PHYH: variants seen among roughly 807,000 people sequenced by gnomAD.
The protein encoded by PHYH is phytanoyl-CoA 2-hydroxylase.
A neutral mutation model predicts 38.5 loss-of-function variants in PHYH; 32 were observed. The observed-to-expected ratio is 0.83, with a 90% CI of 0.63 to 1.12. The LOEUF is 1.12. Ranked by LOEUF, PHYH falls within the 50% of genes most tolerant of loss-of-function variation. PHYH has a pLI of 0.00. For synonymous variants in PHYH, 166 were observed against 157.9 expected (o/e 1.05, Z -0.38); for missense variants, 426 against 434.8 (o/e 0.98, Z 0.18).
In PHYH at chr10:13,300,059, A is replaced by C; in HGVS notation, c.-17T>G. On this transcript the variant is annotated 5_prime_UTR_variant, in exon 1 of 9. Transcript: ENST00000263038. ...CTGCTCCATGGCTGCGGCGCGGGGA[A>C]CCCCCACCCCTCCCGGCCTCTGCCC... The C allele has an allele frequency of 6.5e-7, 1 of 1,528,442 alleles. No individual in the cohort carries two copies. The highest frequency in any genetic ancestry group is 8.7e-7 in the Non-Finnish European group (1 of 1,143,326). 94.7% of individuals were successfully genotyped at this position (1,528,442 alleles called of 1,614,324 possible).
At chr10:13,297,362 A>G (rs1159884108) in intron 2 of PHYH, among the ~76,000 whole-genome samples, 1 of 152,228 alleles carries the variant, frequency 6.6e-6, no homozygotes, top group Non-Finnish European at 1.5e-5. Flanking sequence ...AATATTTAGG[A>G]AGGTCAAGAT....
intron 5 of PHYH, among the ~76,000 whole-genome samples, chr10:13,290,006 C>T (rs1304030792): frequency 2.0e-5 from 3 of 147,662 alleles, no homozygotes; most frequent in Admixed American, 6.8e-5. Flanking sequence ...CGGTGGCTCA[C>T]GCCGGTAATC....
At chr10:13,298,026 A>G (rs938346466) in intron 2 of PHYH, among the ~76,000 whole-genome samples, 161 bp downstream of exon 2, 2 of 152,158 alleles carry the variant, frequency 1.3e-5, no homozygotes, top group Admixed American at 6.5e-5. Flanking sequence ...GTCGGTCTCC[A>G]AAATTTTCCA....
chr10:13,291,822 T>TA lies in PHYH; in HGVS notation c.496+8dup. 6.3e-7 allele frequency: 1 copy of TA among 1,592,304 alleles called. No individual in the cohort carries two copies. Among genetic ancestry groups the TA allele is most frequent in the South Asian group, 1.1e-5 (1 of 90,680 alleles). ...GAAACCATTTTTTTTTCTTCTCCCT[T>TA]ACAATTACCAGAATCTGGAGGTTTG... On this transcript the variant is annotated intron_variant, in intron 5 of 8. Transcript: ENST00000263038.
At chr10:13,283,605 C>G in intron 7 of PHYH, 85 bp downstream of exon 7, 1 of 1,364,238 alleles carries the variant, frequency 7.3e-7, no homozygotes, top group Non-Finnish European at 1.0e-6. Flanking sequence ...AAATTTTATT[C>G]AATTAATTTG....
At chr10:13,298,764 G>A (rs7392992) in intron 1 of PHYH, among the ~76,000 whole-genome samples, 65,611 of 103,844 alleles carry the variant, frequency 0.63, 18,250 homozygotes, top group East Asian at 0.76. Flanking sequence ...TACTACTACT[G>A]CTACTACTAC....
chr10:13,291,383 G>C (rs1464400189), intron 5 of PHYH: 1 of 186,080 alleles, frequency 5.4e-6, no homozygotes, highest in Non-Finnish European at 1.1e-5. Flanking sequence ...TTTCACTGTT[G>C]TTATAGTGTA....
At chr10:13,294,323 T>G in intron 4 of PHYH, 105 bp downstream of exon 4, 1 of 1,014,226 alleles carries the variant, frequency 9.9e-7, no homozygotes, top group South Asian at 1.3e-5. Flanking sequence ...CCCACAGTGC[T>G]CGGATTACAG....
At chr10:13,298,931 T>C (rs1307242102) in intron 1 of PHYH, among the ~76,000 whole-genome samples, 1 of 20,010 alleles carries the variant, frequency 5.0e-5, no homozygotes, top group Non-Finnish European at 1.4e-4. Context: ...AAAATAATAA[T>C]AATAATAATA....
rs914287294 is a variant in PHYH at position 13,299,949 on chromosome 10, C to T, written c.75+19G>A. ...CCGGCGCCGGATCCAGCCCGAGCCC[C>T]GCGCAGCCCAAAGGATACGACAGCC... On this transcript the variant is annotated intron_variant, in intron 1 of 8. Transcript: ENST00000263038. The T allele has an allele frequency of 2.0e-6, 3 of 1,515,456 alleles. No homozygotes were observed. Among genetic ancestry groups the T allele is most frequent in the Admixed American group, 2.0e-5 (1 of 49,324 alleles). The allele number at this position is 1,515,456 out of a possible 1,614,324, so 93.9% of individuals were successfully genotyped here. A position where few individuals can be genotyped will look rare whatever the true frequency, so the allele number is the denominator to read the frequency against.
intron 1 of PHYH, among the ~76,000 whole-genome samples, chr10:13,298,949 TAATAATAATAATAATAACAAC>T (rs1197633026): frequency 1.3e-3 from 192 of 146,466 alleles, no homozygotes; most frequent in African/African-American, 4.4e-3. Flanking sequence ...ATAATAATAA[TAATAATAATAATAATAACAAC>T]AATAACAACA....
chr10:13,289,359 C>A (rs1466487507), intron 5 of PHYH, among the ~76,000 whole-genome samples: 5 of 151,972 alleles, frequency 3.3e-5, no homozygotes, highest in African/African-American at 1.2e-4. Flanking sequence ...CCACGCCCGG[C>A]TAATTTTTTG....
At chr10:13,284,682 T>C (rs1413848457) in intron 6 of PHYH, among the ~76,000 whole-genome samples, 1 of 152,222 alleles carries the variant, frequency 6.6e-6, no homozygotes, top group African/African-American at 2.4e-5. Flanking sequence ...AATGAAAGAA[T>C]AGTAAATTAA....
Position 13,294,538 on chromosome 10 carries a change from T to C in PHYH, c.304A>G (p.Arg102Gly). The part of the protein sequence containing the change: ...EVKPLGLTVM[R>G]DVTISKSEYA... ...TCGGATTTCGAAATGGTCACATCTC[T>C]CATTACTGTTAATCCTAATGGTTTC... The change falls in exon 4 of 9, where the codon AGA becomes GGA. Residue 102 changes from arginine (R) to glycine (G), a missense_variant. Transcript: ENST00000263038. 2 of 1,613,808 alleles carry C rather than the reference T, an allele frequency of 1.2e-6. No homozygotes were observed. Among genetic ancestry groups the C allele is most frequent in the South Asian group, 2.2e-5 (2 of 91,082 alleles).
chr10:13,291,137 T>C (rs899351033), intron 5 of PHYH, among the ~76,000 whole-genome samples: 1 of 142,882 alleles, frequency 7.0e-6, no homozygotes, highest in South Asian at 2.2e-4. Flanking sequence ...AAGACCACTA[T>C]AGTTTGTGAC....
At chr10:13,291,803 A>AT (rs752864478) in intron 5 of PHYH, 28 bp downstream of exon 5, 1,401 of 1,472,420 alleles carry the variant, frequency 9.5e-4, no homozygotes, top group Non-Finnish European at 1.2e-3. Flanking sequence ...TAATGAAACC[A>AT]TTTTTTTTTC....
At chr10:13,299,359 C>T (rs1410014024) in intron 1 of PHYH, 18 of 856,976 alleles carry the variant, frequency 2.1e-5, no homozygotes, top group Non-Finnish European at 2.1e-5. Flanking sequence ...GGACTCCTGG[C>T]CTTGGCCCCC....
intron 1 of PHYH, among the ~76,000 whole-genome samples, chr10:13,298,734 A>ACTACTACTACTACTG (rs1832646002): frequency 6.5e-5 from 6 of 92,158 alleles, no homozygotes; most frequent in African/African-American, 2.1e-4. Context: ...TACTACTACT[A>ACTACTACTACTACTG]CTACTACTAC....
chr10:13,279,622 GAAGAA>G (rs1376754065), intron 8 of PHYH, among the ~76,000 whole-genome samples: 1 of 152,132 alleles, frequency 6.6e-6, no homozygotes, highest in African/African-American at 2.4e-5. Context: ...GGGTTTTGGT[GAAGAA>G]AATAAGAAAA....
Sources: allele counts gnomAD v4.1 joint callset (sites outside exome capture counted in the v4.1 genomes callset), GRCh38; gene constraint gnomAD v4.1.1; transcripts MANE v1.5; gene names NCBI Gene and HGNC (gene_info 2026-07-23, HGNC 2026-07-21).